SBK2: variants seen among roughly 807,000 people sequenced by gnomAD.
SBK2 encodes serine/threonine-protein kinase SBK2.
In SBK2, 18 loss-of-function variants were observed where a neutral mutation model predicts 15.9. The ratio of observed to expected loss-of-function variants is 1.13; its 90% CI spans 0.78 to 1.68. The LOEUF (loss-of-function observed/expected upper bound fraction) is 1.68. Ranked by LOEUF, SBK2 falls within the 40% of genes most tolerant of loss-of-function variation. The pLI is 0.00. For missense variants in SBK2, 581 were observed against 510.9 expected (o/e 1.14, Z -1.32); for synonymous variants, 284 against 246.8 (o/e 1.15, Z -1.41).
Position 55,529,590 on chromosome 19 carries a change from G to A in SBK2, c.*143C>T, listed in dbSNP as rs993553735. 5.4e-5 allele frequency: 65 copies of A among 1,210,882 alleles called. No individual in the cohort carries two copies. In the African/African-American group the frequency reaches 9.7e-4, roughly 18 times the overall value. 75.0% of individuals were successfully genotyped at this position (1,210,882 alleles called of 1,614,324 possible). The stretch of plus-strand genomic sequence containing the variant: ...CCTCATGGACCAAGGGAGGAATGCA[G>A]CCTGCAGAGAGGAGAGAGGAGGAGG... On this transcript the variant is annotated 3_prime_UTR_variant, in exon 4 of 4. Transcript: ENST00000413299.
At chr19:55,533,612 C>T (rs55974933) in intron 2 of SBK2, among the ~76,000 whole-genome samples, 32,348 of 52,508 alleles carry the variant, frequency 0.62, 11,456 homozygotes, top group Non-Finnish European at 0.68. Context: ...GAGATTGCGC[C>T]ACTGCAGTCC....
chr19:55,534,698 C>A (rs1221886655), intron 2 of SBK2, among the ~76,000 whole-genome samples: 2 of 78,544 alleles, frequency 2.5e-5, no homozygotes, highest in Middle Eastern at 0.013. Context: ...CAGCGAGACC[C>A]TGTCTCAAAA....
intron 3 of SBK2, among the ~76,000 whole-genome samples, chr19:55,530,836 A>G (rs544515865): frequency 6.6e-6 from 1 of 151,532 alleles, no homozygotes; most frequent in South Asian, 2.1e-4. Flanking sequence ...GTGACCCTGT[A>G]GGACCTGTAG....
At chr19:55,530,861 C>T (rs574446689) in intron 3 of SBK2, among the ~76,000 whole-genome samples, 1 of 152,086 alleles carries the variant, frequency 6.6e-6, no homozygotes, top group South Asian at 2.1e-4. Flanking sequence ...AGCGGGGCCT[C>T]GGGTGACCCT....
rs542381455 is a variant in SBK2 at position 55,529,885 on chromosome 19, C to T, written c.895G>A (p.Ala299Thr). The T allele has an allele frequency of 6.1e-5, 97 of 1,586,144 alleles. No homozygotes were observed. The highest frequency in any genetic ancestry group is 7.4e-5 in the Non-Finnish European group (87 of 1,169,270). The part of the protein sequence containing the change: ...RPQPWFGLAA[A>T]ADALLRGLLD... The stretch of plus-strand genomic sequence containing the variant: ...AGCCCCCGCAGAAGCGCGTCGGCCG[C>T]GGCGGCCAGGCCGAACCAGGGCTGA... The change falls in exon 4 of 4, where the codon GCG becomes ACG. Residue 299 changes from alanine (A) to threonine (T), a missense_variant. Coordinates refer to ENST00000413299, the MANE Select transcript of SBK2 (RefSeq NM_001370096.2).
chr19:55,530,417 G>A lies in SBK2; in HGVS notation c.457-94C>T, dbSNP rs966454285. ...CCCAGGACGCCAAGGAGGCCGGTAA[G>A]GAAGACGGTGAATAGTTGGCCCTGT... On this transcript the variant is annotated intron_variant, in intron 3 of 3. Coordinates refer to ENST00000413299, the MANE Select transcript of SBK2 (RefSeq NM_001370096.2). 8.5e-6 allele frequency: 10 copies of A among 1,183,180 alleles called. No individual in the cohort carries two copies. In the African/African-American group the frequency reaches 1.6e-4, roughly 19 times the overall value. 73.3% of individuals were successfully genotyped at this position (1,183,180 alleles called of 1,614,324 possible).
Position 55,536,108 on chromosome 19 carries a change from C to A in SBK2, c.187G>T (p.Glu63Ter). Reference protein sequence around the residue: ...LVRAEVDELYEEVRPLGQGCY... With the variant: ...LVRAEVDELY ...CCCTGGCCCAGGGGACGCACTTCCT[C>A]GTAGAGCTCGTCCACCTCGGCTCGG... The change falls in exon 2 of 4, where the codon GAG becomes TAG. Residue 63 changes from glutamate to a stop codon, truncating the protein, a stop_gained. Transcript: ENST00000413299. LOFTEE classifies it high-confidence loss of function. 1 of 1,545,166 alleles carries A rather than the reference C, an allele frequency of 6.5e-7. No individual in the cohort carries two copies. Among genetic ancestry groups the A allele is most frequent in the Non-Finnish European group, 8.8e-7 (1 of 1,142,412 alleles).
chr19:55,529,755 AC>A lies in SBK2; in HGVS notation c.1024del (p.Val342TrpfsTer63), dbSNP rs764466629. On this transcript the variant is annotated frameshift_variant, in exon 4 of 4. Coordinates refer to ENST00000413299, the MANE Select transcript of SBK2 (RefSeq NM_001370096.2). LOFTEE classifies it high-confidence loss of function. ...REGEAEAVGA[V>X]EEEAGQ ...TCCTCACTGCCCAGCCTCCTCTTCC[AC>A]CGCTCCCACTGCCTCCGCCTCGCCC... 40 of 1,601,320 alleles carry A rather than the reference AC, an allele frequency of 2.5e-5. No individual in the cohort carries two copies. Among genetic ancestry groups the A allele is most frequent in the Non-Finnish European group, 3.1e-5 (37 of 1,179,488 alleles).
chr19:55,531,061 G>A lies in SBK2; in HGVS notation c.456+82C>T, dbSNP rs1019936255. The A allele has an allele frequency of 2.7e-4, 358 of 1,314,610 alleles. 1 individual carries two copies. Among genetic ancestry groups the A allele is most frequent in the South Asian group, 8.2e-4 (68 of 82,634 alleles). 81.4% of individuals were successfully genotyped at this position (1,314,610 alleles called of 1,614,324 possible). On this transcript the variant is annotated intron_variant, in intron 3 of 3. Transcript: ENST00000413299. ...CAGGGAGGCCCAACGCAGTGGCTGTGGCTCCTGCGGCCCAGGCTGCTCAGG... is the reference window on the plus strand; with the variant it reads ...CAGGGAGGCCCAACGCAGTGGCTGTAGCTCCTGCGGCCCAGGCTGCTCAGG...
Position 55,530,101 on chromosome 19 carries a change from C to CGG in SBK2, c.677_678dup (p.Glu227ProfsTer93). The CGG allele has an allele frequency of 6.9e-7, 1 of 1,450,288 alleles. No homozygotes were observed. Among genetic ancestry groups the CGG allele is most frequent in the Non-Finnish European group, 9.0e-7 (1 of 1,106,500 alleles). 89.8% of individuals were successfully genotyped at this position (1,450,288 alleles called of 1,614,324 possible). Reference sequence around the variant, plus strand: ...GGGAGCGGCGGGGGCGCGCAGAGCTCGGGGGCCGTGTAGGGGATGGGCGGC... The same window carrying CGG: ...GGGAGCGGCGGGGGCGCGCAGAGCTCGGGGGGGCCGTGTAGGGGATGGGCGGC... On this transcript the variant is annotated frameshift_variant, in exon 4 of 4. Transcript: ENST00000413299. LOFTEE classifies it low-confidence loss of function (END_TRUNC).
At chr19:55,531,491 C>T in intron 2 of SBK2, 146 bp from the exon 3 acceptor site, 1 of 655,764 alleles carries the variant, frequency 1.5e-6, no homozygotes, top group South Asian at 1.7e-5. Context: ...ACTCCCACCT[C>T]CCTCCTGAGC....
Position 55,536,309 on chromosome 19 carries a change from A to T in SBK2, c.-2-13T>A. ...TTGCCGGGCATCTCTGCGAGAACAG[A>T]GAGGGGTGCCCAGGCTCAGGTCCCA... On this transcript the variant is annotated splice_polypyrimidine_tract_variant and intron_variant, in intron 1 of 3. Transcript: ENST00000413299. The T allele has an allele frequency of 6.7e-7, 1 of 1,485,160 alleles. No individual in the cohort carries two copies. The highest frequency in any genetic ancestry group is 8.9e-7 in the Non-Finnish European group (1 of 1,124,552). The allele number at this position is 1,485,160 out of a possible 1,614,324, so 92.0% of individuals were successfully genotyped here.
chr19:55,534,713 A>AAAG (rs1988352978), intron 2 of SBK2, among the ~76,000 whole-genome samples: 2 of 147,692 alleles, frequency 1.4e-5, no homozygotes, highest in African/African-American at 2.5e-5. Flanking sequence ...TCAAAAAAAA[A>AAAG]AAAAAAAGAA....
Position 55,528,892 on chromosome 19 carries a change from C to A in SBK2, c.*841G>T, listed in dbSNP as rs910302731. ...CGACTCCAGGAGCTCACAAAATAAC[C>A]ACAAAAAATAAGCCATGCAGTTAGA... On this transcript the variant is annotated 3_prime_UTR_variant, in exon 4 of 4. Transcript: ENST00000413299. Among the ~76,000 whole-genome samples, 2 of 152,164 alleles carry A rather than the reference C, an allele frequency of 1.3e-5. No individual in the cohort carries two copies. Among genetic ancestry groups the A allele is most frequent in the South Asian group, 4.1e-4 (2 of 4,830 alleles).
intron 2 of SBK2, 89 bp from the exon 3 acceptor site, chr19:55,531,434 G>A: frequency 1.0e-6 from 1 of 1,005,004 alleles, no homozygotes; most frequent in Non-Finnish European, 1.5e-6. Context: ...CCCCTCAATG[G>A]CCCCTCAGCT....
intron 2 of SBK2, among the ~76,000 whole-genome samples, chr19:55,534,711 A>AAAG (rs1988352546): frequency 6.8e-6 from 1 of 146,624 alleles, no homozygotes; most frequent in Admixed American, 6.9e-5. Context: ...TCTCAAAAAA[A>AAAG]AAAAAAAAAG....
intron 2 of SBK2, among the ~76,000 whole-genome samples, chr19:55,535,718 T>C (rs1988379468): frequency 6.6e-6 from 1 of 151,642 alleles, no homozygotes; most frequent in African/African-American, 2.4e-5. Context: ...GAAAGAAAAA[T>C]ACACACACAC....
intron 2 of SBK2, among the ~76,000 whole-genome samples, chr19:55,535,106 G>A (rs994157334): frequency 2.6e-5 from 4 of 152,150 alleles, no homozygotes; most frequent in Non-Finnish European, 5.9e-5. Flanking sequence ...GCAGATGAAT[G>A]CACACTTTTT....
At position 55,530,041 on chromosome 19, in the gene SBK2, A is replaced by T. The variant is rs1988210830; in HGVS notation, c.739T>A (p.Trp247Arg). 1 of 1,486,304 alleles carries T rather than the reference A, an allele frequency of 6.7e-7. No individual in the cohort carries two copies. The highest frequency in any genetic ancestry group is 8.9e-7 in the Non-Finnish European group (1 of 1,122,422). 92.1% of individuals were successfully genotyped at this position (1,486,304 alleles called of 1,614,324 possible). ...CAGAAGAGCAGGACGCCCAGCGCCC[A>T]GGCGTCCAGGGCGGGCTGAATGGGC... The part of the protein sequence containing the change: ...GLPIQPALDA[W>R]ALGVLLFCLL... Residue 247 changes from tryptophan to arginine, a missense_variant, in exon 4 of 4, where the codon TGG becomes AGG. Trp to Arg is a moderately radical substitution (Grantham distance 101, BLOSUM62 -3). Transcript: ENST00000413299.
Sources: allele counts gnomAD v4.1 joint callset (sites outside exome capture counted in the v4.1 genomes callset), GRCh38; gene constraint gnomAD v4.1.1; transcripts MANE v1.5; gene names NCBI Gene and HGNC (gene_info 2026-07-23, HGNC 2026-07-21).